The following LRRTM3 variants were observed in gnomAD, a reference collection of about 807,000 sequenced individuals.
The protein encoded by LRRTM3 is leucine-rich repeat transmembrane neuronal protein 3.
A neutral mutation model predicts 44.7 loss-of-function variants in LRRTM3; 24 were observed. That is an observed-to-expected ratio of 0.54 (90% CI 0.39 to 0.76). LRRTM3 has a LOEUF of 0.76. Among genes scored for constraint, LRRTM3 ranks in the 30% least tolerant of loss-of-function variants. LRRTM3 has a pLI of 0.00. For synonymous variants in LRRTM3, 277 were observed against 278.7 expected (o/e 0.99, Z 0.06); for missense variants, 587 against 702.2 (o/e 0.84, Z 1.85).
At chr10:66,958,740 T>C (rs888475844) in intron 2 of LRRTM3, among the ~76,000 whole-genome samples, 3 of 152,146 alleles carry the variant, frequency 2.0e-5, no homozygotes, top group African/African-American at 4.8e-5. Flanking sequence ...CTACTACTCC[T>C]GGGGCAAACT....
chr10:66,978,392 T>C (rs997778361), intron 2 of LRRTM3, among the ~76,000 whole-genome samples: 37 of 151,052 alleles, frequency 2.4e-4, no homozygotes, highest in Admixed American at 4.6e-4. Flanking sequence ...CTGGGCGTGG[T>C]GGTGGGCGCC....
At position 67,086,366 on chromosome 10, in the gene LRRTM3, T is replaced by C. The variant is rs568000773; in HGVS notation, c.1537-11221T>C. Among the ~76,000 whole-genome samples the C allele has an allele frequency of 3.3e-4, 50 of 152,070 alleles. 1 individual carries two copies. The South Asian group carries it at 0.01, about 31-fold the overall frequency. ...TGGGACAGAATATCACTTCATTTAG[T>C]TGGGAGATAATCTCAACCAAAGTCT... On this transcript the variant is annotated intron_variant, in intron 2 of 2. Coordinates refer to ENST00000361320, the MANE Select transcript of LRRTM3 (RefSeq NM_178011.5).
At chr10:66,948,279 C>T (rs1848375409) in intron 2 of LRRTM3, among the ~76,000 whole-genome samples, 1 of 152,098 alleles carries the variant, frequency 6.6e-6, no homozygotes. Context: ...AACATAGTAC[C>T]ATGTACAAAG....
At chr10:67,009,456 A>T (rs1852192103) in intron 2 of LRRTM3, among the ~76,000 whole-genome samples, 1 of 152,004 alleles carries the variant, frequency 6.6e-6, no homozygotes, top group Admixed American at 6.6e-5. Flanking sequence ...CTCCTGATAT[A>T]CATAACCTCT....
chr10:66,966,144 T>C (rs753221860), intron 2 of LRRTM3, among the ~76,000 whole-genome samples: 6 of 151,856 alleles, frequency 4.0e-5, no homozygotes, highest in Non-Finnish European at 7.4e-5. Flanking sequence ...TTTTGAAAAA[T>C]AGTGAAGCTT....
At chr10:67,075,382 G>A (rs1002994659) in intron 2 of LRRTM3, among the ~76,000 whole-genome samples, 4 of 152,170 alleles carry the variant, frequency 2.6e-5, no homozygotes, top group African/African-American at 9.7e-5. Flanking sequence ...CCCTGAGAGA[G>A]ATGCCAGTTT....
At chr10:66,962,104 G>A (rs531589358) in intron 2 of LRRTM3, among the ~76,000 whole-genome samples, 1 of 151,968 alleles carries the variant, frequency 6.6e-6, no homozygotes, top group East Asian at 1.9e-4. Flanking sequence ...TCAAAATGTG[G>A]GCTAGAGTGA....
chr10:66,960,094 G>A (rs1303551032), intron 2 of LRRTM3, among the ~76,000 whole-genome samples: 1 of 151,934 alleles, frequency 6.6e-6, no homozygotes, highest in Non-Finnish European at 1.5e-5. Flanking sequence ...TTTGCTAGCA[G>A]ACTCCCTAAA....
intron 2 of LRRTM3, among the ~76,000 whole-genome samples, chr10:67,038,705 A>G (rs1854214504): frequency 6.6e-6 from 1 of 152,108 alleles, no homozygotes; most frequent in South Asian, 2.1e-4. Flanking sequence ...GAAACAATTA[A>G]CAGGGTTAAC....
rs1333243552 is a variant in LRRTM3 at position 66,928,398 on chromosome 10, G to A, written c.1482G>A (p.Leu494=). 3 of 1,614,134 alleles carry A rather than the reference G, an allele frequency of 1.9e-6. No individual in the cohort carries two copies. Among genetic ancestry groups the A allele is most frequent in the Admixed American group, 3.3e-5 (2 of 60,028 alleles). ...CCAACACGGAGACCAGCGAGATGCTGCTGAATGGGACGGGACCCTGCACCT... is the reference window on the plus strand; with the variant it reads ...CCAACACGGAGACCAGCGAGATGCTACTGAATGGGACGGGACCCTGCACCT... ...KPTNTETSEM[L]LNGTGPCTYN... is the part of the protein sequence containing the mutation. The change falls in exon 2 of 3, where the codon CTG becomes CTA. Residue 494 remains leucine (L), a synonymous_variant. Transcript: ENST00000361320.
chr10:66,950,304 TTATATC>T (rs1272785133), intron 2 of LRRTM3, among the ~76,000 whole-genome samples: 2 of 152,134 alleles, frequency 1.3e-5, no homozygotes, highest in African/African-American at 4.8e-5. Flanking sequence ...GTATATTTAC[TTATATC>T]TATAATTATC....
At position 67,097,807 on chromosome 10, in the gene LRRTM3, T is replaced by C; in HGVS notation, c.*11T>C. 1.2e-6 allele frequency: 2 copies of C among 1,611,512 alleles called. No homozygotes were observed. The highest frequency in any genetic ancestry group is 1.7e-6 in the Non-Finnish European group (2 of 1,178,246). On this transcript the variant is annotated 3_prime_UTR_variant, in exon 3 of 3. Transcript: ENST00000361320. ...CAGCAGCTAGCTTAACTGAGATCAT[T>C]GGTAGCCAGGGGTTGCTACCAAACT... is the stretch of plus-strand genomic sequence containing the variant.
intron 2 of LRRTM3, chr10:67,052,577 C>T (rs1170472658): frequency 6.6e-6 from 1 of 152,150 alleles, no homozygotes; most frequent in Non-Finnish European, 1.5e-5. Flanking sequence ...GCTAACAGAT[C>T]CCATTCTTCC....
intron 2 of LRRTM3, among the ~76,000 whole-genome samples, chr10:67,021,720 A>G (rs1432098915): frequency 6.6e-6 from 1 of 152,194 alleles, no homozygotes; most frequent in Non-Finnish European, 1.5e-5. Flanking sequence ...ATACTAAAAA[A>G]TTTCCTCTTA....
At chr10:67,000,785 C>T (rs1322156400) in intron 2 of LRRTM3, among the ~76,000 whole-genome samples, 1 of 152,064 alleles carries the variant, frequency 6.6e-6, no homozygotes, top group East Asian at 1.9e-4. Flanking sequence ...ATGGGGAGCG[C>T]ATTATGAAGA....
chr10:67,047,157 T>C (rs1035421624), intron 2 of LRRTM3, among the ~76,000 whole-genome samples: 10 of 152,180 alleles, frequency 6.6e-5, no homozygotes, highest in African/African-American at 2.2e-4. Context: ...ATATAGAATC[T>C]CTAGTACAAT....
intron 2 of LRRTM3, among the ~76,000 whole-genome samples, chr10:67,090,191 GT>G (rs1255280954): frequency 6.6e-6 from 1 of 151,988 alleles, no homozygotes; most frequent in East Asian, 1.9e-4. Flanking sequence ...CATCTTGAGT[GT>G]TTTCGAGATT....
chr10:66,993,732 T>C (rs574516761), intron 2 of LRRTM3, among the ~76,000 whole-genome samples: 1 of 151,868 alleles, frequency 6.6e-6, no homozygotes, highest in Non-Finnish European at 1.5e-5. Context: ...CCATCTTTCA[T>C]TGAGCCTGTA....
chr10:67,013,234 T>C (rs1168893257), intron 2 of LRRTM3, among the ~76,000 whole-genome samples: 1 of 151,558 alleles, frequency 6.6e-6, no homozygotes, highest in Admixed American at 6.6e-5. Flanking sequence ...CTGTCCTTAA[T>C]ACTCTATTAA....
Sources: allele counts gnomAD v4.1 joint callset (sites outside exome capture counted in the v4.1 genomes callset), GRCh38; gene constraint gnomAD v4.1.1; transcripts MANE v1.5; gene names NCBI Gene and HGNC (gene_info 2026-07-23, HGNC 2026-07-21).